The following IL1R1 variants were observed in gnomAD, a reference collection of about 807,000 sequenced individuals.
IL1R1 encodes interleukin-1 receptor type 1.
A neutral mutation model predicts 50.2 loss-of-function variants in IL1R1; 22 were observed. The observed-to-expected ratio is 0.44, with a 90% confidence interval of 0.31 to 0.63. IL1R1 has a LOEUF of 0.63. Ranked by LOEUF, IL1R1 falls within the 20% of genes least tolerant of loss-of-function variation. The pLI, the probability that IL1R1 is intolerant of heterozygous loss-of-function variation, is 0.07. For synonymous variants in IL1R1, 251 were observed against 236.7 expected (o/e 1.06, Z -0.55); for missense variants, 509 against 676.2 (o/e 0.75, Z 2.74).
chr2:102,072,197 T>C (rs1351227382), intron 1 of IL1R1, among the ~76,000 whole-genome samples: 1 of 151,182 alleles, frequency 6.6e-6, no homozygotes, highest in African/African-American at 2.4e-5. Context: ...GAGGTGGAGG[T>C]TGCAGTGAGC....
At chr2:102,097,120 A>G (rs574039942) in intron 1 of IL1R1, among the ~76,000 whole-genome samples, 1 of 152,312 alleles carries the variant, frequency 6.6e-6, no homozygotes, top group Non-Finnish European at 1.5e-5. Flanking sequence ...AAAGTTGGTC[A>G]TTGGCTCTTT....
intron 1 of IL1R1, among the ~76,000 whole-genome samples, chr2:102,124,463 G>A (rs1467416083): frequency 6.6e-6 from 1 of 150,926 alleles, no homozygotes; most frequent in Non-Finnish European, 1.5e-5. Flanking sequence ...TTGAGACTGG[G>A]TAATTTATAA....
chr2:102,123,635 G>C (rs1355961030), intron 1 of IL1R1, among the ~76,000 whole-genome samples: 1 of 152,028 alleles, frequency 6.6e-6, no homozygotes, highest in East Asian at 1.9e-4. Context: ...AATGTTAGCT[G>C]GTCATGGTGG....
At chr2:102,130,805 G>A (rs1394813818) in intron 1 of IL1R1, among the ~76,000 whole-genome samples, 1 of 152,256 alleles carries the variant, frequency 6.6e-6, no homozygotes, top group East Asian at 1.9e-4. Flanking sequence ...ATGCCAGCCA[G>A]GATTGAGTAA....
chr2:102,133,383 G>A lies in IL1R1; in HGVS notation c.-83-20558G>A, dbSNP rs184850731. 1.5e-3 allele frequency among the ~76,000 whole-genome samples: 232 copies of A among 152,158 alleles called. 5 individuals are homozygous for A. The highest frequency in any genetic ancestry group is 4.6e-3 in the Admixed American group (71 of 15,292). On this transcript the variant is annotated intron_variant, in intron 1 of 10. Transcript: ENST00000409329. Reference sequence around the variant, plus strand: ...TCCAGAAAATTGAATAGGAGTAAATGCTTCTCAACTCATGAGTTCTCCCCA... The same window carrying A: ...TCCAGAAAATTGAATAGGAGTAAATACTTCTCAACTCATGAGTTCTCCCCA...
chr2:102,089,842 T>A (rs1366790369), intron 1 of IL1R1, among the ~76,000 whole-genome samples: 1 of 151,118 alleles, frequency 6.6e-6, no homozygotes, highest in Non-Finnish European at 1.5e-5. Context: ...ATCTTTTTTT[T>A]TTTTTTTTTG....
chr2:102,125,595 G>A (rs868261262), intron 1 of IL1R1, among the ~76,000 whole-genome samples: 1 of 152,234 alleles, frequency 6.6e-6, no homozygotes. Context: ...AACACAGAAA[G>A]TTGGGCCTTG....
At position 102,153,977 on chromosome 2, in the gene IL1R1, A is replaced by C. The variant is rs895484469; in HGVS notation, c.-47A>C. ...CTCTGAAGATGGTGACTCCCTCCTG[A>C]GAAGCTGGACCCCTTGGTAAAAGAC... On this transcript the variant is annotated 5_prime_UTR_variant, in exon 2 of 12. The change abolishes the stop of an existing upstream ORF in the 5' untranslated region. Coordinates refer to ENST00000410023, the MANE Select transcript of IL1R1 (RefSeq NM_000877.4). 1.3e-5 allele frequency: 2 copies of C among 152,196 alleles called. No individual in the cohort carries two copies. Among genetic ancestry groups the C allele is most frequent in the African/African-American group, 4.8e-5 (2 of 41,370 alleles). 9.4% of individuals were successfully genotyped at this position (152,196 alleles called of 1,614,324 possible).
rs1161995446 is a variant in IL1R1 at position 102,176,414 on chromosome 2, C to T, written c.1365C>T (p.Val455=). The change falls in exon 12 of 12, where the codon GTC becomes GTT. Residue 455 remains valine (V), a synonymous_variant. Transcript: ENST00000410023. ...KKSRRLIIIL[V]RETSGFSWLG... is the part of the protein sequence containing the mutation. The stretch of plus-strand genomic sequence containing the variant: ...GCAGAAGACTGATTATCATTTTAGT[C>T]AGAGAAACATCAGGCTTCAGCTGGC... The T allele has an allele frequency of 1.1e-5, 18 of 1,613,908 alleles. No individual in the cohort carries two copies. The highest frequency in any genetic ancestry group is 1.4e-5 in the Non-Finnish European group (17 of 1,179,958).
intron 1 of IL1R1, among the ~76,000 whole-genome samples, chr2:102,117,321 G>T (rs138022088): frequency 6.6e-6 from 1 of 152,258 alleles, no homozygotes; most frequent in Non-Finnish European, 1.5e-5. Context: ...TCATCCCCAT[G>T]AATGGATGAG....
At chr2:102,107,189 A>T (rs1205479927) in intron 1 of IL1R1, among the ~76,000 whole-genome samples, 2 of 152,170 alleles carry the variant, frequency 1.3e-5, no homozygotes, top group African/African-American at 4.8e-5. Context: ...CTCTGCATGC[A>T]CACGTATGTT....
At position 102,172,749 on chromosome 2, in the gene IL1R1, T is replaced by C; in HGVS notation, c.902T>C (p.Ile301Thr). Residue 301 changes from isoleucine to threonine, a missense_variant, in exon 9 of 12, where the codon ATT becomes ACT. Coordinates refer to ENST00000410023, the MANE Select transcript of IL1R1 (RefSeq NM_000877.4). Reference sequence around the variant, plus strand: ...ATCACAGTGCTTAATATATCGGAAATTGAAAGTAGATTTTATAAACATCCA... The same window carrying C: ...ATCACAGTGCTTAATATATCGGAAACTGAAAGTAGATTTTATAAACATCCA... ...TLITVLNISE[I>T]ESRFYKHPFT... 1.2e-6 allele frequency: 2 copies of C among 1,612,952 alleles called. No individual in the cohort carries two copies. The highest frequency in any genetic ancestry group is 1.7e-6 in the Non-Finnish European group (2 of 1,178,970).
chr2:102,072,437 G>A (rs1678773297), intron 1 of IL1R1, among the ~76,000 whole-genome samples: 1 of 152,174 alleles, frequency 6.6e-6, no homozygotes, highest in South Asian at 2.1e-4. Context: ...ACTTGTAATA[G>A]ATGTACCTGG....
intron 1 of IL1R1, among the ~76,000 whole-genome samples, chr2:102,089,203 A>G (rs1183972669): frequency 1.3e-5 from 2 of 152,102 alleles, no homozygotes; most frequent in African/African-American, 4.8e-5. Flanking sequence ...AAGCTTCATC[A>G]TTTCTTGTTT....
chr2:102,144,715 T>C (rs1682965181), intron 1 of IL1R1, among the ~76,000 whole-genome samples: 1 of 152,184 alleles, frequency 6.6e-6, no homozygotes, highest in Non-Finnish European at 1.5e-5. Flanking sequence ...GGGGGGTCTT[T>C]GAAATCCGCC....
intron 1 of IL1R1, among the ~76,000 whole-genome samples, chr2:102,108,239 TGTG>T (rs66473452): frequency 0.55 from 82,971 of 150,170 alleles, 23,152 homozygotes; most frequent in Admixed American, 0.59. Context: ...TGTGTGTGTG[TGTG>T]GGGGGGGGTG....
intron 1 of IL1R1, among the ~76,000 whole-genome samples, chr2:102,089,058 T>C (rs1461381022): frequency 6.6e-6 from 1 of 152,254 alleles, no homozygotes; most frequent in Non-Finnish European, 1.5e-5. Context: ...GCTGTTTTGC[T>C]TTCTGATCAT....
At chr2:102,161,268 A>T (rs971061413) in intron 3 of IL1R1, among the ~76,000 whole-genome samples, 3 of 152,134 alleles carry the variant, frequency 2.0e-5, no homozygotes, top group African/African-American at 7.2e-5. Context: ...TTGATTTCTA[A>T]TCTAATTCCA....
chr2:102,115,415 A>G (rs949731199), intron 1 of IL1R1, among the ~76,000 whole-genome samples: 2 of 152,338 alleles, frequency 1.3e-5, no homozygotes, highest in East Asian at 1.9e-4. Context: ...CACTGTGGAT[A>G]TAAGTTGTGT....
Sources: allele counts gnomAD v4.1 joint callset (sites outside exome capture counted in the v4.1 genomes callset), GRCh38; gene constraint gnomAD v4.1.1; transcripts MANE v1.5; gene names NCBI Gene and HGNC (gene_info 2026-07-23, HGNC 2026-07-21).